Variants in AASS observed in about 807,000 individuals in gnomAD.
AASS encodes the protein aminoadipate-semialdehyde synthase.
AASS carries 86 observed loss-of-function variants against 105.4 expected under a neutral mutation model. That is an observed-to-expected ratio of 0.82 (90% confidence interval 0.69 to 0.98). The LOEUF is 0.98. Among genes scored for constraint, AASS ranks in the 50% least tolerant of loss-of-function variants. AASS has a pLI of 0.00. For missense variants in AASS, 1,048 were observed against 1,143.2 expected, an observed-to-expected ratio of 0.92 and a Z score of 1.20; for synonymous variants, 381 against 394.8, an observed-to-expected ratio of 0.96 and a Z score of 0.41.
intron 15 of AASS, among the ~76,000 whole-genome samples, chr7:122,095,756 C>T (rs2150519486): frequency 6.6e-6 from 1 of 152,142 alleles, no homozygotes; most frequent in Non-Finnish European, 1.5e-5. Context: ...AAAATAATTA[C>T]TGCTAACAAA....
At chr7:122,078,766 C>T in intron 22 of AASS, 96 bp downstream of exon 22, 2 of 1,168,368 alleles carry the variant, frequency 1.7e-6, no homozygotes, top group South Asian at 2.5e-5. Context: ...CTTCCCATTC[C>T]TGCTGCTTGG....
chr7:122,076,407 C>G lies in AASS; in HGVS notation c.*82G>C. On this transcript the variant is annotated 3_prime_UTR_variant, in exon 24 of 24. Transcript: ENST00000417368. ...ACATATTATGCTTTATACTTTAAAA[C>G]AGCACATTAGCAAACCCATTTATCA... is the stretch of plus-strand genomic sequence containing the variant. 1 of 903,708 alleles carries G rather than the reference C, an allele frequency of 1.1e-6. No individual in the cohort carries two copies. Among genetic ancestry groups the G allele is most frequent in the Non-Finnish European group, 1.9e-6 (1 of 534,654 alleles). The allele number at this position is 903,708 out of a possible 1,614,324, so 56.0% of individuals were successfully genotyped here. A position where few individuals can be genotyped will look rare whatever the true frequency, so the allele number is the denominator to read the frequency against.
chr7:122,091,908 T>C, intron 17 of AASS, 65 bp from the exon 18 acceptor site: 1 of 1,186,044 alleles, frequency 8.4e-7, no homozygotes, highest in Non-Finnish European at 1.2e-6. Context: ...AAGTAATTAA[T>C]TGAAGACAAT....
chr7:122,079,736 A>G, intron 20 of AASS, 24 bp from the exon 21 acceptor site: 2 of 1,558,524 alleles, frequency 1.3e-6, no homozygotes, highest in African/African-American at 1.4e-5. Context: ...GAAATACAAT[A>G]TTTCTAAGTC....
At chr7:122,094,453 TAATTTGACAAGTAC>T (rs930370085) in intron 15 of AASS, among the ~76,000 whole-genome samples, 2 of 152,062 alleles carry the variant, frequency 1.3e-5, no homozygotes, top group Admixed American at 1.3e-4. Flanking sequence ...TATGCAGAGT[TAATTTGACAAGTAC>T]AATGATGTAG....
Position 122,137,119 on chromosome 7 carries a change from C to T in AASS, c.-15-3378G>A, listed in dbSNP as rs917805605. On this transcript the variant is annotated intron_variant, in intron 1 of 23. Coordinates refer to ENST00000417368, the MANE Select transcript of AASS (RefSeq NM_005763.4). ...ACTTTCATTATTTAAACAAATGTAA[C>T]AGTAGTTACCATTGATTAAGCATCA... is the stretch of plus-strand genomic sequence containing the variant. Among the ~76,000 whole-genome samples, 4 of 152,316 alleles carry T rather than the reference C, an allele frequency of 2.6e-5. No individual in the cohort carries two copies. In the East Asian group the frequency reaches 7.7e-4, roughly 29 times the overall value.
chr7:122,117,748 C>T (rs1032710931), intron 6 of AASS, among the ~76,000 whole-genome samples: 2 of 151,872 alleles, frequency 1.3e-5, no homozygotes, highest in Non-Finnish European at 2.9e-5. Flanking sequence ...ATTTGCCTCC[C>T]GGGTTCAAGC....
Position 122,116,660 on chromosome 7 carries a change from C to A in AASS, c.867G>T (p.Glu289Asp). 6.2e-7 allele frequency: 1 copy of A among 1,614,048 alleles called. No homozygotes were observed. Among genetic ancestry groups the A allele is most frequent in the East Asian group, 2.2e-5 (1 of 44,864 alleles). Residue 289 changes from glutamate to aspartate, a missense_variant, in exon 8 of 24, where the codon GAG (glutamate) becomes GAT (aspartate). Coordinates refer to ENST00000417368, the MANE Select transcript of AASS (RefSeq NM_005763.4). The part of the protein sequence containing the change: ...YDPAEYDKHP[E>D]RYISRFNTDI... ...CAGTATTAAAACGACTTATGTAGCG[C>A]TCCGGATGTTTGTCATACTCTGCAG...
At chr7:122,138,171 T>C (rs1796239711) in intron 1 of AASS, among the ~76,000 whole-genome samples, 1 of 152,164 alleles carries the variant, frequency 6.6e-6, no homozygotes, top group Admixed American at 6.5e-5. Flanking sequence ...AAGGTATACA[T>C]TTTTATTTAC....
chr7:122,113,484 T>C, intron 10 of AASS, 114 bp downstream of exon 10: 2 of 1,353,870 alleles, frequency 1.5e-6, no homozygotes, highest in Non-Finnish European at 2.1e-6. Context: ...TATGTTTGAG[T>C]ATATCTCTCC....
At chr7:122,099,427 A>G (rs1794326629) in intron 13 of AASS, among the ~76,000 whole-genome samples, 1 of 151,918 alleles carries the variant, frequency 6.6e-6, no homozygotes, top group South Asian at 2.1e-4. Context: ...TAAATGTAGA[A>G]GCTGAAGACT....
intron 18 of AASS, among the ~76,000 whole-genome samples, chr7:122,087,022 A>T (rs1217333955): frequency 1.3e-5 from 2 of 152,198 alleles, no homozygotes; most frequent in Non-Finnish European, 2.9e-5. Context: ...TTCTGGAGTG[A>T]TAAAATTAGG....
At chr7:122,095,875 T>G (rs1756098206) in intron 15 of AASS, among the ~76,000 whole-genome samples, 1 of 152,166 alleles carries the variant, frequency 6.6e-6, no homozygotes, top group African/African-American at 2.4e-5. Context: ...ACAGAAATTT[T>G]TAAATCACAT....
intron 8 of AASS, among the ~76,000 whole-genome samples, chr7:122,116,293 T>A (rs571714108): frequency 1.3e-5 from 2 of 152,276 alleles, no homozygotes; most frequent in East Asian, 3.9e-4. Context: ...CCAAACGTCA[T>A]AGGCATTATG....
At chr7:122,082,393 T>C (rs1435889378) in intron 19 of AASS, among the ~76,000 whole-genome samples, 1 of 152,176 alleles carries the variant, frequency 6.6e-6, no homozygotes. Context: ...TCTTCATTTA[T>C]GAAATGTTTT....
At chr7:122,116,354 C>A (rs1795172302) in intron 8 of AASS, among the ~76,000 whole-genome samples, 1 of 152,096 alleles carries the variant, frequency 6.6e-6, no homozygotes, top group East Asian at 1.9e-4. Context: ...AACAGTAACG[C>A]ACAGGAAATG....
rs1266075090 is a variant in AASS, at chr7:122,139,129, C to A, written c.-16+5032G>T. Among the ~76,000 whole-genome samples the A allele has an allele frequency of 8.5e-5, 13 of 152,230 alleles. No homozygotes were observed. In the East Asian group the frequency reaches 2.5e-3, roughly 29 times the overall value. ...AACAGCTAGTCATTTGCTTATAGCA[C>A]AAATATTTTCTAATATTTAAATTAT... On this transcript the variant is annotated intron_variant, in intron 1 of 23. Transcript: ENST00000417368.
At chr7:122,105,705 A>T (rs1794637036) in intron 11 of AASS, among the ~76,000 whole-genome samples, 1 of 152,012 alleles carries the variant, frequency 6.6e-6, no homozygotes, top group Non-Finnish European at 1.5e-5. Context: ...AACCTACCAA[A>T]ACCTATGGGA....
At chr7:122,099,098 C>CT (rs1794311623) in intron 13 of AASS, among the ~76,000 whole-genome samples, 1 of 151,786 alleles carries the variant, frequency 6.6e-6, no homozygotes, top group Non-Finnish European at 1.5e-5. Flanking sequence ...CCTGACATCT[C>CT]TGAGATATAT....
Sources: gnomAD v4.1 joint callset for allele counts (sites outside exome capture counted in the v4.1 genomes callset) on GRCh38, gnomAD v4.1.1 for gene constraint, MANE v1.5 for transcripts, NCBI Gene and HGNC (gene_info 2026-07-23, HGNC 2026-07-21) for gene names.